Variants in DOK5 observed in about 807,000 individuals in gnomAD.
DOK5 encodes docking protein 5.
A neutral mutation model predicts 43.3 loss-of-function variants in DOK5; 27 were observed. The ratio of observed to expected loss-of-function variants is 0.62; its 90% CI spans 0.46 to 0.86. DOK5 has a LOEUF of 0.86. Ranked by LOEUF, DOK5 falls within the 40% of genes least tolerant of loss-of-function variation. The pLI is 0.00. For missense variants in DOK5, 373 were observed against 392.9 expected (o/e 0.95, Z 0.43); for synonymous variants, 146 against 140.1 (o/e 1.04, Z -0.30).
At chr20:54,650,201 A>T (rs938697466) in intron 7 of DOK5, among the ~76,000 whole-genome samples, 7 of 152,316 alleles carry the variant, frequency 4.6e-5, no homozygotes. Context: ...TTGCTAATGG[A>T]CTGACCATGG....
At chr20:54,622,028 T>C (rs562954368) in intron 6 of DOK5, among the ~76,000 whole-genome samples, 8 of 151,950 alleles carry the variant, frequency 5.3e-5, no homozygotes, top group African/African-American at 1.9e-4. Context: ...ACCCCGTCTC[T>C]ACTACACATA....
intron 6 of DOK5, among the ~76,000 whole-genome samples, chr20:54,637,028 T>A (rs938103857): frequency 2.0e-5 from 3 of 152,240 alleles, no homozygotes; most frequent in Non-Finnish European, 4.4e-5. Flanking sequence ...ATTCTTCTTT[T>A]TATAGCAATC....
At chr20:54,634,822 T>C (rs1978749221) in intron 6 of DOK5, among the ~76,000 whole-genome samples, 1 of 152,000 alleles carries the variant, frequency 6.6e-6, no homozygotes, top group Non-Finnish European at 1.5e-5. Flanking sequence ...CCATACCATA[T>C]ACATGTACCC....
rs190761273 is a variant in DOK5 at position 54,586,704 on chromosome 20, G to C, written c.175-1779G>C. ...GGTGTTAGGATGGGAGGTGTCCAGT[G>C]GGGCCTCTGTGGGTAACTGAGATTT... On this transcript the variant is annotated intron_variant, in intron 2 of 7. Coordinates refer to ENST00000262593, the MANE Select transcript of DOK5 (RefSeq NM_018431.5). 6.4e-4 allele frequency among the ~76,000 whole-genome samples: 98 copies of C among 152,286 alleles called. No homozygotes were observed. In the East Asian group the frequency reaches 0.011, roughly 17 times the overall value.
intron 1 of DOK5, among the ~76,000 whole-genome samples, chr20:54,483,867 A>C (rs1459601059): frequency 1.3e-5 from 2 of 152,184 alleles, no homozygotes; most frequent in Non-Finnish European, 2.9e-5. Context: ...CCTTTATTTC[A>C]CTAGTGTTCT....
At chr20:54,493,059 CAAAAAAAAAAAA>C (rs66973631) in intron 1 of DOK5, among the ~76,000 whole-genome samples, 1 of 59,518 alleles carries the variant, frequency 1.7e-5, no homozygotes, top group African/African-American at 5.5e-5. Flanking sequence ...TGTCCCCCTC[CAAAAAAAAAAAA>C]AAAAAAAAAA....
intron 1 of DOK5, among the ~76,000 whole-genome samples, chr20:54,537,863 G>C (rs896834432): frequency 1.8e-3 from 215 of 119,232 alleles, no homozygotes; most frequent in African/African-American, 6.9e-3. Context: ...TTTTGAGACA[G>C]AGTCTCACTC....
At chr20:54,530,889 A>G (rs1302187102) in intron 1 of DOK5, among the ~76,000 whole-genome samples, 2 of 152,178 alleles carry the variant, frequency 1.3e-5, no homozygotes, top group Admixed American at 6.5e-5. Flanking sequence ...TATAAGAATA[A>G]AGGGGTAAGC....
At chr20:54,524,043 T>C (rs1983501294) in intron 1 of DOK5, among the ~76,000 whole-genome samples, 1 of 151,750 alleles carries the variant, frequency 6.6e-6, no homozygotes, top group Non-Finnish European at 1.5e-5. Flanking sequence ...TAAATGGGGG[T>C]TAACAATGGT....
chr20:54,622,948 G>A (rs1987028543), intron 6 of DOK5, among the ~76,000 whole-genome samples: 1 of 152,116 alleles, frequency 6.6e-6, no homozygotes, highest in African/African-American at 2.4e-5. Context: ...AATGGTGGTA[G>A]CAGGGCATGA....
At chr20:54,645,031 AGAGTCTCGCTCTGTC>A (rs1211730907) in intron 7 of DOK5, among the ~76,000 whole-genome samples, 1 of 114,022 alleles carries the variant, frequency 8.8e-6, no homozygotes, top group Non-Finnish European at 1.7e-5. Context: ...TTTTTGAGAC[AGAGTCTCGCTCTGTC>A]GCCCAGGCTG....
In DOK5 at chr20:54,620,356, A is replaced by G. The variant is rs931879332; in HGVS notation, c.735+9833A>G. Among the ~76,000 whole-genome samples, 3 of 152,220 alleles carry G rather than the reference A, an allele frequency of 2.0e-5. No individual in the cohort carries two copies. The East Asian group carries it at 5.8e-4, about 29-fold the overall frequency. ...CGGGTTCAAGTGATTCTCCTGTCTC[A>G]GCCTCCCAAGTAGCTGGGATTACAG... is the stretch of plus-strand genomic sequence containing the variant. On this transcript the variant is annotated intron_variant, in intron 6 of 7. Transcript: ENST00000262593.
intron 6 of DOK5, among the ~76,000 whole-genome samples, chr20:54,628,019 A>G (rs892638321): frequency 1.3e-5 from 2 of 152,226 alleles, no homozygotes; most frequent in African/African-American, 4.8e-5. Context: ...ACAGTGAGAC[A>G]TACTCACTGA....
At chr20:54,644,784 C>T (rs1007425743) in intron 7 of DOK5, among the ~76,000 whole-genome samples, 5 of 151,224 alleles carry the variant, frequency 3.3e-5, no homozygotes, top group Non-Finnish European at 7.4e-5. Context: ...AGGGGAATCA[C>T]CTGAACCTGG....
intron 1 of DOK5, among the ~76,000 whole-genome samples, chr20:54,519,146 G>C (rs1225533630): frequency 6.6e-6 from 1 of 152,180 alleles, no homozygotes; most frequent in African/African-American, 2.4e-5. Flanking sequence ...TGCTTAACAT[G>C]TCCAGGATCA....
chr20:54,616,455 C>A, intron 6 of DOK5, among the ~76,000 whole-genome samples: 1 of 152,208 alleles, frequency 6.6e-6, no homozygotes, highest in South Asian at 2.1e-4. Flanking sequence ...GATCTTGCAT[C>A]CTGACAAGGC....
At chr20:54,556,131 A>G (rs1252213649) in intron 2 of DOK5, among the ~76,000 whole-genome samples, 1 of 152,222 alleles carries the variant, frequency 6.6e-6, no homozygotes, top group Non-Finnish European at 1.5e-5. Context: ...GAATAAGCAC[A>G]AAACAAGCTT....
At chr20:54,605,012 A>AT (rs1555835480) in intron 5 of DOK5, among the ~76,000 whole-genome samples, 7,722 of 116,136 alleles carry the variant, frequency 0.066, 342 homozygotes, top group Non-Finnish European at 0.084. Context: ...AAAAAAAAAA[A>AT]ATATATATAT....
intron 1 of DOK5, among the ~76,000 whole-genome samples, chr20:54,530,487 T>G (rs1447879871): frequency 6.6e-6 from 1 of 152,204 alleles, no homozygotes; most frequent in Non-Finnish European, 1.5e-5. Context: ...CTCTTCTCTC[T>G]GAGGGCTGCT....
Sources: gnomAD v4.1 joint callset for allele counts (sites outside exome capture counted in the v4.1 genomes callset) on GRCh38, gnomAD v4.1.1 for gene constraint, MANE v1.5 for transcripts, NCBI Gene and HGNC (gene_info 2026-07-23, HGNC 2026-07-21) for gene names.